Variants in CSMD2 observed in about 807,000 individuals in gnomAD.
CSMD2 encodes CUB and Sushi multiple domains 2, also known as CUB and sushi domain-containing protein 2.
In CSMD2, 130 loss-of-function variants were observed where a neutral mutation model predicts 398.5. The observed-to-expected ratio is 0.33, with a 90% CI of 0.28 to 0.38. The LOEUF (loss-of-function observed/expected upper bound fraction) is 0.38, where lower values mean the gene tolerates loss of function less well. Ranked by LOEUF, CSMD2 falls within the 10% of genes least tolerant of loss-of-function variation. The pLI is 1.00. For missense variants in CSMD2, 3,829 were observed against 4,764.9 expected (o/e 0.80, Z 5.78); for synonymous variants, 1,828 against 1,908.5 (o/e 0.96, Z 1.10).
chr1:34,019,286 T>C lies in CSMD2; in HGVS notation c.517+13308A>G, dbSNP rs149084010. On this transcript the variant is annotated intron_variant, in intron 3 of 70. Transcript: ENST00000373381. ...CTCTGCATAATTTCCCAGTATGATC[T>C]CTAGGGCTCCACCCACATCACTCAC... is the stretch of plus-strand genomic sequence containing the variant. 2.7e-3 allele frequency among the ~76,000 whole-genome samples: 407 copies of C among 152,298 alleles called. 1 individual carries two copies. The highest frequency in any genetic ancestry group is 0.014 in the Middle Eastern group (4 of 294).
At chr1:34,091,320 C>T (rs1658531115) in intron 1 of CSMD2, among the ~76,000 whole-genome samples, 1 of 152,136 alleles carries the variant, frequency 6.6e-6, no homozygotes, top group Non-Finnish European at 1.5e-5. Context: ...TTTGGCTAGA[C>T]ACTCTCCTAA....
chr1:34,077,301 C>CA (rs1656509834), intron 2 of CSMD2, among the ~76,000 whole-genome samples: 1 of 148,532 alleles, frequency 6.7e-6, no homozygotes, highest in South Asian at 2.1e-4. Flanking sequence ...ACTAAAAATA[C>CA]AAAAAATTAG....
intron 12 of CSMD2, among the ~76,000 whole-genome samples, chr1:33,785,055 C>G (rs1308379484): frequency 6.6e-6 from 1 of 152,230 alleles, no homozygotes; most frequent in Non-Finnish European, 1.5e-5. Flanking sequence ...TCTAAACACC[C>G]AGACTGTCCT....
At chr1:34,136,288 C>T (rs1220916030) in intron 1 of CSMD2, among the ~76,000 whole-genome samples, 1 of 152,178 alleles carries the variant, frequency 6.6e-6, no homozygotes, top group Admixed American at 6.5e-5. Flanking sequence ...ACCCCTAAGC[C>T]ACTTGATTTT....
intron 10 of CSMD2, among the ~76,000 whole-genome samples, 196 bp downstream of exon 10, chr1:33,810,547 T>G (rs915689045): frequency 1.7e-4 from 26 of 152,146 alleles, no homozygotes; most frequent in African/African-American, 6.3e-4. Flanking sequence ...GTGTTTGTTG[T>G]ATTGGTGTTC....
intron 23 of CSMD2, 137 bp from the exon 24 acceptor site, chr1:33,699,081 G>A: frequency 1.6e-6 from 1 of 628,180 alleles, no homozygotes; most frequent in Non-Finnish European, 2.7e-6. Flanking sequence ...TCACCAGTCA[G>A]GATTTCCTCA....
rs1202568593 is a variant in CSMD2 at position 34,163,698 on chromosome 1, C to T, written c.187+1213G>A. On this transcript the variant is annotated intron_variant, in intron 1 of 70. Coordinates refer to ENST00000373381, the MANE Select transcript of CSMD2 (RefSeq NM_001281956.2). The surrounding 1 kb of genome is among the most constrained non-coding windows in gnomAD (Gnocchi z 5.4). ...CAAAAAAGAAAACACGGCTCCAGGT[C>T]GAAGGTGCCCTAGGTCTAGGCCTGG... Among the ~76,000 whole-genome samples the T allele has an allele frequency of 1.3e-5, 2 of 152,152 alleles. No homozygotes were observed. The highest frequency in any genetic ancestry group is 3.9e-4 in the East Asian group (2 of 5,174).
intron 1 of CSMD2, among the ~76,000 whole-genome samples, chr1:34,155,888 T>A (rs887496330): frequency 1.3e-5 from 2 of 152,208 alleles, no homozygotes; most frequent in Admixed American, 6.5e-5. Context: ...ATCCCCATTT[T>A]ATAGGTGTGA....
At chr1:33,816,924 C>G (rs10489914) in intron 9 of CSMD2, among the ~76,000 whole-genome samples, 6,361 of 152,086 alleles carry the variant, frequency 0.042, 415 homozygotes, top group African/African-American at 0.14. Context: ...CATATTTTAA[C>G]TGCATTAAAG....
intron 14 of CSMD2, among the ~76,000 whole-genome samples, chr1:33,740,145 G>GT (rs1258861346): frequency 6.6e-6 from 1 of 152,144 alleles, no homozygotes; most frequent in Admixed American, 6.5e-5. Flanking sequence ...GTGACAGATG[G>GT]TAAGTGCTCA....
In CSMD2 at chr1:33,915,829, A is replaced by G. The variant is rs189479111; in HGVS notation, c.920+2265T>C. On this transcript the variant is annotated intron_variant, in intron 5 of 70. Coordinates refer to ENST00000373381, the MANE Select transcript of CSMD2 (RefSeq NM_001281956.2). ...ACATAGCCCGGAAAACTCATCACAGATATCGCATGTCATAATAGCATGCTG... is the reference window on the plus strand; with the variant it reads ...ACATAGCCCGGAAAACTCATCACAGGTATCGCATGTCATAATAGCATGCTG... 3.0e-3 allele frequency among the ~76,000 whole-genome samples: 460 copies of G among 152,348 alleles called. 3 individuals carry two copies. The highest frequency in any genetic ancestry group is 0.011 in the African/African-American group (440 of 41,582).
intron 5 of CSMD2, among the ~76,000 whole-genome samples, chr1:33,906,535 G>C (rs1291613998): frequency 6.6e-6 from 1 of 152,196 alleles, no homozygotes; most frequent in East Asian, 1.9e-4. Flanking sequence ...GGAGAACTTA[G>C]CAATTAATTG....
chr1:34,080,127 CA>C (rs201150922), intron 2 of CSMD2, among the ~76,000 whole-genome samples: 3,426 of 76,558 alleles, frequency 0.045, 90 homozygotes, highest in African/African-American at 0.11. Flanking sequence ...GAATGTAAAG[CA>C]AAAAAAAAAA....
chr1:33,835,856 CTT>C (rs1210715774), intron 6 of CSMD2, among the ~76,000 whole-genome samples: 39 of 152,084 alleles, frequency 2.6e-4, no homozygotes, highest in Admixed American at 2.0e-4. Context: ...GCCTTCTTCT[CTT>C]AACTCGTCAA....
At chr1:34,111,562 T>G (rs924715274) in intron 1 of CSMD2, among the ~76,000 whole-genome samples, 2 of 152,244 alleles carry the variant, frequency 1.3e-5, no homozygotes, top group African/African-American at 4.8e-5. Flanking sequence ...ATCATGACTT[T>G]GGTCCTTGCG....
rs539331610 is a variant in CSMD2 at position 33,880,503 on chromosome 1, G to C, written c.921-33507C>G. Among the ~76,000 whole-genome samples, 13 of 152,254 alleles carry C rather than the reference G, an allele frequency of 8.5e-5. No homozygotes were observed. In the South Asian group the frequency reaches 2.5e-3, roughly 29 times the overall value. On this transcript the variant is annotated intron_variant, in intron 5 of 70. Transcript: ENST00000373381. ...TTTTGAGCTAATGTGTAGTCGGTAT[G>C]GGATTTGCATTTAAAAACTATTTAC...
chr1:33,623,606 C>T (rs1362361963), intron 35 of CSMD2, 140 bp from the exon 36 acceptor site: 1 of 621,818 alleles, frequency 1.6e-6, no homozygotes, highest in Non-Finnish European at 2.9e-6. Context: ...TAGTCCCTTT[C>T]AATAAAAGTA....
At position 33,676,538 on chromosome 1, in the gene CSMD2, C is replaced by G. The variant is rs969483742; in HGVS notation, c.4053-13446G>C. Among the ~76,000 whole-genome samples the G allele has an allele frequency of 7.2e-5, 11 of 152,142 alleles. No individual in the cohort carries two copies. In the East Asian group the frequency reaches 7.7e-4, roughly 11 times the overall value. ...TTGTGAAAATGGCCATACTGCCCAACGTAATTTATAGATTCAATGCCATCC... is the reference window on the plus strand; with the variant it reads ...TTGTGAAAATGGCCATACTGCCCAAGGTAATTTATAGATTCAATGCCATCC... On this transcript the variant is annotated intron_variant, in intron 25 of 70. Transcript: ENST00000373381.
intron 2 of CSMD2, among the ~76,000 whole-genome samples, chr1:34,052,495 CTGTGTGTGTGTG>C (rs143571706): frequency 5.2e-5 from 7 of 134,088 alleles, no homozygotes; most frequent in Admixed American, 7.6e-5. Flanking sequence ...TATGGGACAA[CTGTGTGTGTGTG>C]TGTGTGTGTG....
Sources: gnomAD v4.1 joint callset for allele counts (sites outside exome capture counted in the v4.1 genomes callset) on GRCh38, gnomAD v4.1.1 for gene constraint, Gnocchi (gnomAD v3.1) non-coding constraint, MANE v1.5 for transcripts, NCBI Gene and HGNC (gene_info 2026-07-23, HGNC 2026-07-21) for gene names.